Variants in MYPN observed in about 807,000 individuals in gnomAD.
MYPN encodes myopalladin.
In MYPN, 63 loss-of-function variants were observed where a neutral mutation model predicts 129.4. That is an observed-to-expected ratio of 0.49 (90% CI 0.40 to 0.60). The LOEUF is 0.60. MYPN is among the 20% of genes least tolerant of loss of function. The probability of loss-of-function intolerance (pLI) is 0.00; values close to 1 mark genes in which losing one functional copy is unlikely to be tolerated. For missense variants in MYPN, 1,596 were observed against 1,635.4 expected (o/e 0.98, Z 0.42); for synonymous variants, 629 against 600.9 (o/e 1.05, Z -0.68).
At chr10:68,168,374 T>C (rs1589580275) in intron 10 of MYPN, among the ~76,000 whole-genome samples, 2 of 152,152 alleles carry the variant, frequency 1.3e-5, no homozygotes, top group Admixed American at 1.3e-4. Flanking sequence ...GGACTGTCTC[T>C]TCCCCAGTAA....
At chr10:68,177,892 T>C (rs2043252864) in intron 12 of MYPN, among the ~76,000 whole-genome samples, 1 of 152,202 alleles carries the variant, frequency 6.6e-6, no homozygotes, top group African/African-American at 2.4e-5. Flanking sequence ...CCTATTTTAG[T>C]TCTAAGTAAA....
Position 68,122,239 on chromosome 10 carries a change from A to G in MYPN, c.801A>G (p.Gln267=), listed in dbSNP as rs755147319. ...SSLYYEEPLG[Q]PPRFTQKLRS... is the part of the protein sequence containing the mutation. ...TGTACTATGAAGAACCTCTGGGGCA[A>G]CCTCCCCGGTTCACTCAAAAGTTAC... is the stretch of plus-strand genomic sequence containing the variant. The change falls in exon 2 of 20, where the codon CAA becomes CAG. Residue 267 remains glutamine (Q), a synonymous_variant. Coordinates refer to ENST00000358913, the MANE Select transcript of MYPN (RefSeq NM_032578.4). The G allele has an allele frequency of 1.2e-6, 2 of 1,612,790 alleles. No individual in the cohort carries two copies. The highest frequency in any genetic ancestry group is 1.7e-6 in the Non-Finnish European group (2 of 1,179,396).
intron 2 of MYPN, among the ~76,000 whole-genome samples, chr10:68,123,057 A>G (rs2042270662): frequency 6.6e-6 from 1 of 151,836 alleles, no homozygotes; most frequent in South Asian, 2.1e-4. Context: ...TTCAATTTGG[A>G]TGTTAAATTT....
At chr10:68,180,481 C>T (rs7096686) in intron 12 of MYPN, among the ~76,000 whole-genome samples, 62,913 of 152,198 alleles carry the variant, frequency 0.41, 13,765 homozygotes, top group Non-Finnish European at 0.49. Flanking sequence ...CCACTGTGCC[C>T]GGCCTACCTC....
At chr10:68,096,354 G>A (rs2041956407) in intron 1 of MYPN, among the ~76,000 whole-genome samples, 1 of 152,136 alleles carries the variant, frequency 6.6e-6, no homozygotes, top group Non-Finnish European at 1.5e-5. Flanking sequence ...ACAAGGTCAG[G>A]AGTTCAAGAC....
intron 2 of MYPN, 45 bp from the exon 3 acceptor site, chr10:68,142,895 C>G: frequency 6.4e-7 from 1 of 1,573,552 alleles, no homozygotes; most frequent in Non-Finnish European, 8.7e-7. Context: ...ATGTTATTGT[C>G]TTGCATTTGA....
intron 1 of MYPN, among the ~76,000 whole-genome samples, chr10:68,117,138 C>T (rs529954306): frequency 1.0e-3 from 156 of 151,738 alleles, no homozygotes; most frequent in Non-Finnish European, 1.1e-3. Context: ...GCAGGAGAAT[C>T]GCTTGAACGT....
chr10:68,130,462 T>A (rs1215564632), intron 2 of MYPN, among the ~76,000 whole-genome samples: 6 of 143,010 alleles, frequency 4.2e-5, no homozygotes, highest in Admixed American at 7.0e-5. Context: ...CTCCCTTTCA[T>A]CCTCTCGAAA....
rs769591145 is a variant in MYPN, at chr10:68,194,477, G to A, written c.3040G>A (p.Asp1014Asn). 2.4e-5 allele frequency: 38 copies of A among 1,613,860 alleles called. No homozygotes were observed. The highest frequency in any genetic ancestry group is 3.0e-5 in the Non-Finnish European group (35 of 1,179,854). ...CATTGAATCCACTACCAGTGATGACGATGGCAACTACACCATCATGGCAGC... is the reference window on the plus strand; with the variant it reads ...CATTGAATCCACTACCAGTGATGACAATGGCAACTACACCATCATGGCAGC... ...LHIESTTSDD[D>N]GNYTIMAANP... The change falls in exon 14 of 20, where the codon GAT becomes AAT. Residue 1014 changes from aspartate to asparagine, a missense_variant. By Grantham distance (23) the Asp-to-Asn change is conservative. Coordinates refer to ENST00000358913, the MANE Select transcript of MYPN (RefSeq NM_032578.4).
chr10:68,165,968 A>G, intron 9 of MYPN, 150 bp downstream of exon 9: 3 of 821,882 alleles, frequency 3.7e-6, no homozygotes, highest in Non-Finnish European at 6.2e-6. Context: ...GTTCTTGAAC[A>G]GTGTCCAATT....
chr10:68,111,689 A>G (rs1288671785), intron 1 of MYPN, among the ~76,000 whole-genome samples: 1 of 152,212 alleles, frequency 6.6e-6, no homozygotes, highest in Non-Finnish European at 1.5e-5. Flanking sequence ...TGGTGGGACT[A>G]TTTACCTGCA....
chr10:68,136,812 C>A, intron 2 of MYPN: 1 of 1,372,936 alleles, frequency 7.3e-7, no homozygotes, highest in Non-Finnish European at 9.9e-7. Context: ...TTTGAAATAG[C>A]TATTGATATT....
intron 16 of MYPN, among the ~76,000 whole-genome samples, chr10:68,199,072 C>T (rs1254220289): frequency 6.6e-6 from 1 of 151,932 alleles, no homozygotes; most frequent in African/African-American, 2.4e-5. Context: ...GAAATTGATG[C>T]TGCAGGCCTA....
chr10:68,175,265 C>A (rs896154685), intron 11 of MYPN, 58 bp from the exon 12 acceptor site: 31 of 1,594,998 alleles, frequency 1.9e-5, no homozygotes, highest in Non-Finnish European at 2.7e-5. Flanking sequence ...GATTTCTAGG[C>A]CTTTTTACCC....
At chr10:68,093,650 G>A (rs1236515226) in intron 1 of MYPN, among the ~76,000 whole-genome samples, 5 of 151,356 alleles carry the variant, frequency 3.3e-5, no homozygotes, top group South Asian at 2.1e-4. Flanking sequence ...CCAGCTACTC[G>A]GGAGGCTGAG....
At chr10:68,103,504 T>C (rs1191539010), upstream of MYPN, among the ~76,000 whole-genome samples, 2 of 152,232 alleles carry the variant, frequency 1.3e-5, no homozygotes, top group African/African-American at 2.4e-5. Context: ...TAAAGTGGTA[T>C]CTTTAACAAT....
chr10:68,143,156 G>A, intron 3 of MYPN, 41 bp downstream of exon 3: 1 of 1,571,112 alleles, frequency 6.4e-7, no homozygotes, highest in Non-Finnish European at 8.7e-7. Context: ...TTAATAGTAA[G>A]ACATTTAGTT....
At chr10:68,097,561 A>G (rs2133941178) in intron 1 of MYPN, among the ~76,000 whole-genome samples, 1 of 152,350 alleles carries the variant, frequency 6.6e-6, no homozygotes. Context: ...TTGTTCTAAA[A>G]GTATTAACTC....
At chr10:68,116,716 A>G (rs749974351) in intron 1 of MYPN, among the ~76,000 whole-genome samples, 17 of 152,270 alleles carry the variant, frequency 1.1e-4, no homozygotes, top group East Asian at 1.9e-4. Flanking sequence ...AGTCTGGGCT[A>G]TAAGAGCGAG....
Sources: allele counts gnomAD v4.1 joint callset (sites outside exome capture counted in the v4.1 genomes callset), GRCh38; gene constraint gnomAD v4.1.1; transcripts MANE v1.5; gene names NCBI Gene and HGNC (gene_info 2026-07-23, HGNC 2026-07-21).